Variants in PCDH19 observed in about 807,000 individuals in gnomAD.
PCDH19 encodes the protein protocadherin 19.
Under a neutral mutation model 46.2 loss-of-function variants are expected in PCDH19, and 6 were observed. The observed-to-expected ratio is 0.13, with a 90% CI of 0.07 to 0.26. The LOEUF (loss-of-function observed/expected upper bound fraction) is 0.26, where lower values mean the gene tolerates loss of function less well. PCDH19 is among the 10% of genes least tolerant of loss of function. PCDH19 has a pLI of 1.00. For synonymous variants in PCDH19, 481 were observed against 415.7 expected (o/e 1.16, Z -1.91); for missense variants, 740 against 972.3 (o/e 0.76, Z 3.18).
At chrX:100,343,216 A>T (rs1005393813) in intron 4 of PCDH19, among the ~76,000 whole-genome samples, 6 of 111,834 alleles carry the variant, frequency 5.4e-5, no homozygotes, top group Non-Finnish European at 1.1e-4. Flanking sequence ...CTACACTTCC[A>T]TCTTCCCTGG....
At chrX:100,315,095 C>G (rs1291267199) in intron 5 of PCDH19, among the ~76,000 whole-genome samples, 5 of 112,247 alleles carry the variant, frequency 4.5e-5, no homozygotes, top group Non-Finnish European at 9.4e-5. Flanking sequence ...TCCTTCCCAC[C>G]AAAGAACCTT....
rs1928479255 is a variant in PCDH19 at position 100,408,492 on chromosome X, C to T, written c.106G>A (p.Gly36Arg). 2 of 1,200,658 alleles carry T rather than the reference C, an allele frequency of 1.7e-6. No homozygotes were observed. The highest frequency in any genetic ancestry group is 2.2e-6 in the Non-Finnish European group (2 of 892,622). ...KYSVEEEQRA[G>R]TVIANVAKDA... ...TTGGCCACGTTGGCAATCACCGTCC[C>T]GGCGCGCTGCTCCTCTTCTACCGAG... Residue 36 changes from glycine (G) to arginine (R), a missense_variant, in exon 1 of 6, where the codon GGG becomes AGG. This residue lies in a region of PCDH19 where 81 missense variants were observed against 96.5 expected (regional missense o/e 0.84). Transcript: ENST00000373034.
At chrX:100,346,103 C>G (rs1926389958) in intron 4 of PCDH19, among the ~76,000 whole-genome samples, 1 of 111,953 alleles carries the variant, frequency 8.9e-6, no homozygotes, top group Non-Finnish European at 1.9e-5. Flanking sequence ...GCCCATGTTT[C>G]TATTACTGCT....
chrX:100,318,730 C>A (rs1485311341), intron 5 of PCDH19, among the ~76,000 whole-genome samples: 1 of 111,314 alleles, frequency 9.0e-6, no homozygotes, highest in Non-Finnish European at 1.9e-5. Flanking sequence ...ACTGGGAATG[C>A]AGGGCCCTGA....
At chrX:100,326,255 G>A (rs1001618707) in intron 5 of PCDH19, among the ~76,000 whole-genome samples, 3 of 111,733 alleles carry the variant, frequency 2.7e-5, no homozygotes, top group Admixed American at 9.5e-5. Flanking sequence ...TCATTTCTCA[G>A]ATGACACTCT....
chrX:100,355,778 G>T (rs1255351005), intron 3 of PCDH19, among the ~76,000 whole-genome samples: 1 of 111,274 alleles, frequency 9.0e-6, no homozygotes, highest in African/African-American at 3.3e-5. Context: ...AAGACGTTTG[G>T]GTGGGGGATA....
At chrX:100,401,927 A>G (rs747838828) in intron 3 of PCDH19, among the ~76,000 whole-genome samples, 1 of 111,939 alleles carries the variant, frequency 8.9e-6, no homozygotes, top group East Asian at 2.8e-4. Flanking sequence ...CAATAATGAC[A>G]GTTTCAATCT....
At chrX:100,368,718 G>A (rs1373025337) in intron 3 of PCDH19, among the ~76,000 whole-genome samples, 1 of 110,561 alleles carries the variant, frequency 9.0e-6, no homozygotes, top group African/African-American at 3.3e-5. Flanking sequence ...ATCTTGGGTC[G>A]CTCAGAAACA....
chrX:100,378,106 C>T (rs185684710), intron 3 of PCDH19, among the ~76,000 whole-genome samples: 5 of 112,899 alleles, frequency 4.4e-5, no homozygotes, highest in African/African-American at 1.6e-4. Context: ...ACCACACAAA[C>T]TAAGGAGTAG....
intron 3 of PCDH19, among the ~76,000 whole-genome samples, chrX:100,376,235 C>CAAAAAAAAAA (rs1171817638): frequency 1.8e-4 from 6 of 32,700 alleles, no homozygotes; most frequent in Admixed American, 3.9e-4. Context: ...AACTCCGTCT[C>CAAAAAAAAAA]AAAAAAAAAA....
chrX:100,377,793 G>C (rs1249943664), intron 3 of PCDH19, among the ~76,000 whole-genome samples: 1 of 112,226 alleles, frequency 8.9e-6, no homozygotes, highest in Non-Finnish European at 1.9e-5. Context: ...ACGTTGTGGA[G>C]AGAAAAATCC....
At chrX:100,302,858 T>C (rs1452468137) in intron 5 of PCDH19, among the ~76,000 whole-genome samples, 1 of 111,802 alleles carries the variant, frequency 8.9e-6, no homozygotes, top group African/African-American at 3.3e-5. Context: ...CTGTTAATAA[T>C]AGTTTAATTT....
At chrX:100,320,365 G>A (rs1377330470) in intron 5 of PCDH19, among the ~76,000 whole-genome samples, 1 of 112,238 alleles carries the variant, frequency 8.9e-6, no homozygotes, top group Non-Finnish European at 1.9e-5. Flanking sequence ...ATCACACAGA[G>A]TTAGTGGCAG....
chrX:100,402,581 G>C lies in PCDH19; in HGVS notation c.2559C>G (p.Phe853Leu), dbSNP rs924686008. The change falls in exon 3 of 6, where the codon TTC (phenylalanine) becomes TTG (leucine). Residue 853 changes from phenylalanine to leucine, a missense_variant. By Grantham distance (22) the Phe-to-Leu change is conservative. This residue lies in a region of PCDH19 where 416 missense variants were observed against 476.8 expected (regional missense o/e 0.87). Coordinates refer to ENST00000373034, the MANE Select transcript of PCDH19 (RefSeq NM_001184880.2). ...TSANHIYHHS[F>L]NSQGPQQPDL... ...CAGGCTGCTGGGGCCCCTGGCTGTT[G>C]AAAGAGTGATGGTAGATGTGGTTAG... 5 of 1,211,716 alleles carry C rather than the reference G, an allele frequency of 4.1e-6. No homozygotes were observed. In the East Asian group the frequency reaches 8.9e-5, roughly 21 times the overall value.
intron 5 of PCDH19, among the ~76,000 whole-genome samples, chrX:100,336,733 C>T (rs146269262): frequency 9.0e-6 from 1 of 111,643 alleles, no homozygotes; most frequent in African/African-American, 3.3e-5. Flanking sequence ...AGTGTTGTAG[C>T]GAACTCCAAA....
chrX:100,363,615 T>TTATATATATATATATA (rs60968315), intron 3 of PCDH19, among the ~76,000 whole-genome samples: 14 of 89,585 alleles, frequency 1.6e-4, no homozygotes, highest in African/African-American at 5.9e-4. Flanking sequence ...ATGGGAAGTT[T>TTATATATATATATATA]TATATATATA....
At chrX:100,323,317 C>T (rs1925579596) in intron 5 of PCDH19, among the ~76,000 whole-genome samples, 1 of 111,505 alleles carries the variant, frequency 9.0e-6, no homozygotes, top group Non-Finnish European at 1.9e-5. Context: ...TAATCTGCTG[C>T]TGTTTCCCTA....
intron 3 of PCDH19, among the ~76,000 whole-genome samples, chrX:100,362,784 G>A (rs1309156506): frequency 2.0e-5 from 2 of 99,658 alleles, no homozygotes; most frequent in Admixed American, 1.1e-4. Flanking sequence ...GAGACAGAGC[G>A]AGACTCCGAT....
intron 3 of PCDH19, among the ~76,000 whole-genome samples, chrX:100,368,524 T>G (rs1927133728): frequency 8.9e-6 from 1 of 111,779 alleles, no homozygotes. Context: ...CTCTCCTGAT[T>G]GCTTGACACT....
Sources: gnomAD v4.1 joint callset for allele counts (sites outside exome capture counted in the v4.1 genomes callset) on GRCh38, gnomAD v4.1.1 for gene constraint, gnomAD v4.1.1 regional missense constraint, MANE v1.5 for transcripts, NCBI Gene and HGNC (gene_info 2026-07-23, HGNC 2026-07-21) for gene names.